Variants in RPS6KA6 observed in about 807,000 individuals in gnomAD.
The protein encoded by RPS6KA6 is ribosomal protein S6 kinase A6, also known as ribosomal protein S6 kinase alpha-6.
Under a neutral mutation model 65.4 loss-of-function variants are expected in RPS6KA6, and 27 were observed. The ratio of observed to expected loss-of-function variants is 0.41; its 90% CI spans 0.30 to 0.57. The LOEUF is 0.57. Among genes scored for constraint, RPS6KA6 ranks in the 20% least tolerant of loss-of-function variants. RPS6KA6 has a pLI of 0.24. For synonymous variants in RPS6KA6, 190 were observed against 184.2 expected (o/e 1.03, Z -0.26); for missense variants, 486 against 555.6 (o/e 0.87, Z 1.26).
chrX:84,106,857 T>G, intron 14 of RPS6KA6, 53 bp downstream of exon 14: 1 of 980,284 alleles, frequency 1.0e-6, no homozygotes, highest in East Asian at 3.2e-5. Context: ...ACATCAGCAA[T>G]AACAGAGAAA....
Position 84,058,536 on chromosome X carries a change from T to A in RPS6KA6, c.*5741A>T, listed in dbSNP as rs989779224. On this transcript the variant is annotated 3_prime_UTR_variant, in exon 22 of 22. Transcript: ENST00000262752. Reference sequence around the variant, plus strand: ...AGCAGCATTGTGAGAGAAAGAAACATTGTAAAATGAACTACTGGATTTGGT... The same window carrying A: ...AGCAGCATTGTGAGAGAAAGAAACAATGTAAAATGAACTACTGGATTTGGT... 8.9e-6 allele frequency: 1 copy of A among 111,889 alleles called. No homozygotes were observed. 9.2% of individuals were successfully genotyped at this position (111,889 alleles called of 1,213,427 possible).
Position 84,117,415 on chromosome X carries a change from C to T in RPS6KA6, c.829G>A (p.Asp277Asn). ...LTGTLPFQGK[D>N]RNETMNMILK... is the part of the protein sequence containing the mutation. Reference sequence around the variant, plus strand: ...ATCATATTCATGGTCTCATTTCTGTCTTTACCTTGAAATGGCAGAGTACCA... The same window carrying T: ...ATCATATTCATGGTCTCATTTCTGTTTTTACCTTGAAATGGCAGAGTACCA... The change falls in exon 10 of 22, where the codon GAC becomes AAC. Residue 277 changes from aspartate to asparagine, a missense_variant. This residue lies in a region of RPS6KA6 where 345 missense variants were observed against 375.0 expected (regional missense o/e 0.92). Coordinates refer to ENST00000262752, the MANE Select transcript of RPS6KA6 (RefSeq NM_014496.5). The T allele has an allele frequency of 1.7e-6, 2 of 1,163,216 alleles. No individual in the cohort carries two copies. Among genetic ancestry groups the T allele is most frequent in the South Asian group, 2.0e-5 (1 of 50,604 alleles).
At chrX:84,144,624 C>T (rs1051458442) in intron 6 of RPS6KA6, among the ~76,000 whole-genome samples, 8 of 111,121 alleles carry the variant, frequency 7.2e-5, no homozygotes, top group African/African-American at 2.6e-4. Context: ...TTGGCAGTGT[C>T]TTTAAAAGTT....
At chrX:84,116,146 AT>A in intron 12 of RPS6KA6, 82 bp downstream of exon 12, 1 of 551,215 alleles carries the variant, frequency 1.8e-6, no homozygotes, top group South Asian at 3.1e-5. Flanking sequence ...CTGATTTGTT[AT>A]TTAGATTAAA....
intron 3 of RPS6KA6, among the ~76,000 whole-genome samples, chrX:84,148,727 T>C (rs1345709482): frequency 9.0e-6 from 1 of 111,358 alleles, no homozygotes; most frequent in Non-Finnish European, 1.9e-5. Context: ...GCTTTATTGC[T>C]AAAAAATGCT....
Position 84,156,680 on chromosome X carries a change from T to C in RPS6KA6, c.142-489A>G, listed in dbSNP as rs2035421929. The stretch of plus-strand genomic sequence containing the variant: ...AAGAAACTGGCAAAGACCAACAAAA[T>C]CTGCAGAGCCCCAACAAATGTTTCC... On this transcript the variant is annotated intron_variant, in intron 2 of 21. Coordinates refer to ENST00000262752, the MANE Select transcript of RPS6KA6 (RefSeq NM_014496.5). Among the ~76,000 whole-genome samples the C allele has an allele frequency of 2.7e-5, 3 of 111,655 alleles. No homozygotes were observed. The South Asian group carries it at 1.1e-3, about 42-fold the overall frequency.
chrX:84,104,526 C>T lies in RPS6KA6; in HGVS notation c.1587G>A (p.Lys529=), dbSNP rs2034318424. ...EASDILYVIS[K]TVDYLHCQGV... Reference sequence around the variant, plus strand: ...CTTGACAATGAAGATAGTCAACTGTCTTACTTATTACATATAGTATATCAC... The same window carrying T: ...CTTGACAATGAAGATAGTCAACTGTTTTACTTATTACATATAGTATATCAC... The change falls in exon 17 of 22, where the codon AAG becomes AAA. Residue 529 remains lysine (K), a synonymous_variant. Coordinates refer to ENST00000262752, the MANE Select transcript of RPS6KA6 (RefSeq NM_014496.5). 1.7e-6 allele frequency: 2 copies of T among 1,162,029 alleles called. No individual in the cohort carries two copies. The highest frequency in any genetic ancestry group is 1.8e-5 in the African/African-American group (1 of 55,392).
At chrX:84,083,442 C>A (rs906160641) in intron 20 of RPS6KA6, among the ~76,000 whole-genome samples, 29 of 112,299 alleles carry the variant, frequency 2.6e-4, no homozygotes, top group Middle Eastern at 4.6e-3. Flanking sequence ...TCCATGGGTT[C>A]TCATTGTTCA....
intron 20 of RPS6KA6, among the ~76,000 whole-genome samples, chrX:84,070,827 G>GA (rs2033528168): frequency 9.0e-6 from 1 of 111,116 alleles, no homozygotes; most frequent in African/African-American, 3.3e-5. Flanking sequence ...TTGGAAAAAT[G>GA]AAAAAATTTC....
intron 20 of RPS6KA6, among the ~76,000 whole-genome samples, chrX:84,086,454 A>C (rs1239098747): frequency 9.0e-6 from 1 of 111,607 alleles, no homozygotes; most frequent in African/African-American, 3.3e-5. Context: ...ATTTCCGTGT[A>C]GTTGTGTGGT....
chrX:84,152,577 T>C (rs185439728), intron 3 of RPS6KA6, among the ~76,000 whole-genome samples: 1 of 111,487 alleles, frequency 9.0e-6, no homozygotes, highest in African/African-American at 3.2e-5. Flanking sequence ...TTGTGCTATA[T>C]CACCTTATCT....
chrX:84,106,368 C>T lies in RPS6KA6; in HGVS notation c.1362G>A (p.Val454=). Residue 454 remains valine, a synonymous_variant, in exon 15 of 22, where the codon GTG becomes GTA. Transcript: ENST00000262752. The stretch of plus-strand genomic sequence containing the variant: ...AAGCTAGGCTCAGAGACAATACCTT[C>T]ACTGCAAATTCCATGTTGGTAGTTG... The part of the protein sequence containing the change: ...IHATTNMEFA[V]KIIDKSKRDP... 1 of 1,203,600 alleles carries T rather than the reference C, an allele frequency of 8.3e-7. No individual in the cohort carries two copies. The highest frequency in any genetic ancestry group is 1.1e-6 in the Non-Finnish European group (1 of 890,895).
chrX:84,083,525 C>T (rs1029034903), intron 20 of RPS6KA6, among the ~76,000 whole-genome samples: 7 of 112,009 alleles, frequency 6.2e-5, no homozygotes, highest in Non-Finnish European at 1.3e-4. Context: ...ATAATGGCTT[C>T]CAGCTATATC....
At chrX:84,090,317 T>C (rs937950589) in intron 20 of RPS6KA6, among the ~76,000 whole-genome samples, 4 of 112,377 alleles carry the variant, frequency 3.6e-5, no homozygotes, top group African/African-American at 1.3e-4. Context: ...CCTTCCTAGC[T>C]TGGCTTAGAT....
chrX:84,170,991 A>G (rs2035674514), intron 1 of RPS6KA6, among the ~76,000 whole-genome samples: 1 of 111,647 alleles, frequency 9.0e-6, no homozygotes, highest in Admixed American at 9.5e-5. Flanking sequence ...GCCATCCTCT[A>G]GGAACTACAG....
chrX:84,117,349 T>C, intron 10 of RPS6KA6, 35 bp downstream of exon 10: 3 of 955,392 alleles, frequency 3.1e-6, no homozygotes, highest in Non-Finnish European at 4.3e-6. Context: ...CAAGAGATTT[T>C]TTTCCCAAAA....
In RPS6KA6 at chrX:84,063,417, G is replaced by C; in HGVS notation, c.*860C>G. Reference sequence around the variant, plus strand: ...TGATTACAATCCAATTGGTTAACTTGAAAGTCAGTTTATATAACACCAGGA... The same window carrying C: ...TGATTACAATCCAATTGGTTAACTTCAAAGTCAGTTTATATAACACCAGGA... On this transcript the variant is annotated 3_prime_UTR_variant, in exon 22 of 22. Coordinates refer to ENST00000262752, the MANE Select transcript of RPS6KA6 (RefSeq NM_014496.5). The C allele has an allele frequency of 9.0e-6, 1 of 110,952 alleles. No homozygotes were observed. The highest frequency in any genetic ancestry group is 1.9e-5 in the Non-Finnish European group (1 of 52,910). The allele number at this position is 110,952 out of a possible 1,213,427, so 9.1% of individuals were successfully genotyped here. A position where few individuals can be genotyped will look rare whatever the true frequency, so the allele number is the denominator to read the frequency against.
chrX:84,111,043 G>A (rs1303754139), intron 12 of RPS6KA6, among the ~76,000 whole-genome samples: 2 of 104,414 alleles, frequency 1.9e-5, no homozygotes, highest in African/African-American at 6.9e-5. Flanking sequence ...AAGATGAAAG[G>A]AATTTCAAAA....
chrX:84,093,974 C>G (rs1019826140), intron 20 of RPS6KA6, among the ~76,000 whole-genome samples: 5 of 111,199 alleles, frequency 4.5e-5, no homozygotes, highest in Admixed American at 1.9e-4. Context: ...ACTCCCGTTA[C>G]TCCTAACACA....
Sources: allele counts gnomAD v4.1 joint callset (sites outside exome capture counted in the v4.1 genomes callset), GRCh38; gene constraint gnomAD v4.1.1; regional missense constraint gnomAD v4.1.1; transcripts MANE v1.5; gene names NCBI Gene and HGNC (gene_info 2026-07-23, HGNC 2026-07-21).